The following EMILIN2 variants were observed in gnomAD, a reference collection of about 807,000 sequenced individuals.
EMILIN2 encodes the protein elastin microfibril interfacer 2, also known as EMILIN-2.
Under a neutral mutation model 87.1 loss-of-function variants are expected in EMILIN2, and 71 were observed. That is an observed-to-expected ratio of 0.82 (90% confidence interval 0.67 to 0.99). The LOEUF is 0.99. Among genes scored for constraint, EMILIN2 ranks in the 50% least tolerant of loss-of-function variants. The pLI is 0.00. For missense variants in EMILIN2, 1,407 were observed against 1,371.8 expected (o/e 1.03, Z -0.40); for synonymous variants, 581 against 563.4 (o/e 1.03, Z -0.44).
At chr18:2,874,228 G>GC (rs1555667022) in intron 2 of EMILIN2, among the ~76,000 whole-genome samples, 1 of 151,704 alleles carries the variant, frequency 6.6e-6, no homozygotes, top group East Asian at 1.9e-4. Flanking sequence ...TCTTGTTGTT[G>GC]TTTTTTTTAA....
intron 7 of EMILIN2, among the ~76,000 whole-genome samples, 162 bp from the exon 8 acceptor site, chr18:2,912,905 G>A (rs2076947949): frequency 6.6e-6 from 1 of 152,202 alleles, no homozygotes; most frequent in Admixed American, 6.5e-5. Context: ...TAGGCTGTAG[G>A]GGATGAGCAT....
chr18:2,850,405 T>G (rs1394991554), intron 2 of EMILIN2, among the ~76,000 whole-genome samples: 2 of 151,642 alleles, frequency 1.3e-5, no homozygotes, highest in African/African-American at 4.8e-5. Flanking sequence ...AGGTTCTTTT[T>G]TATTATTATT....
rs2076581128 is a variant in EMILIN2 at position 2,847,484 on chromosome 18, G to A, written c.134+162G>A. 6.6e-6 allele frequency among the ~76,000 whole-genome samples: 1 copy of A among 152,198 alleles called. No individual in the cohort carries two copies. Among genetic ancestry groups the A allele is most frequent in the African/African-American group, 2.4e-5 (1 of 41,456 alleles). Reference sequence around the variant, plus strand: ...CGGGGGACCGCGCGCTCCGCAGCCGGCGCCTCAGGCAGAGCTGACTCCGGG... The same window carrying A: ...CGGGGGACCGCGCGCTCCGCAGCCGACGCCTCAGGCAGAGCTGACTCCGGG... On this transcript the variant is annotated intron_variant, in intron 1 of 7. Coordinates refer to ENST00000254528, the MANE Select transcript of EMILIN2 (RefSeq NM_032048.3). This position sits in a 1 kb window ranked among gnomAD's most constrained non-coding sequence, Gnocchi z 4.5.
At position 2,884,984 on chromosome 18, in the gene EMILIN2, C is replaced by A. The variant is rs765448276; in HGVS notation, c.278C>A (p.Pro93His). 1 of 1,606,358 alleles carries A rather than the reference C, an allele frequency of 6.2e-7. No homozygotes were observed. The highest frequency in any genetic ancestry group is 8.5e-7 in the Non-Finnish European group (1 of 1,176,286). ...SALVYRVNFR[P>H]RYVTRYKTVT... ...CACAGGTATCGAGTGAACTTCAGAC[C>A]TAGATATGTCACTAGGTATAAGACA... Residue 93 changes from proline (P) to histidine (H), a missense_variant, in exon 3 of 8, where the codon CCT (proline) becomes CAT (histidine). By Grantham distance (77) the Pro-to-His change is moderately conservative. Coordinates refer to ENST00000254528, the MANE Select transcript of EMILIN2 (RefSeq NM_032048.3).
chr18:2,884,026 G>A (rs1016758167), intron 2 of EMILIN2, among the ~76,000 whole-genome samples: 5 of 152,206 alleles, frequency 3.3e-5, no homozygotes, highest in African/African-American at 1.2e-4. Context: ...CGCGATCTCG[G>A]CTCACTGCAA....
chr18:2,859,153 G>A (rs753466092), intron 2 of EMILIN2, among the ~76,000 whole-genome samples: 7 of 152,150 alleles, frequency 4.6e-5, no homozygotes, highest in South Asian at 4.1e-4. Context: ...GCTGTTTTCC[G>A]TAGTGGTTGG....
At position 2,848,742 on chromosome 18, in the gene EMILIN2, G is replaced by A. The variant is rs1230578468; in HGVS notation, c.257+811G>A. On this transcript the variant is annotated intron_variant, in intron 2 of 7. Transcript: ENST00000254528. This position sits in a 1 kb window ranked among gnomAD's most constrained non-coding sequence, Gnocchi z 4.1. ...GCCAGTGTGAATAAATGGCTGTTGA[G>A]GAACACATGTGATGGCTGAAATTAA... is the stretch of plus-strand genomic sequence containing the variant. 6.6e-6 allele frequency among the ~76,000 whole-genome samples: 1 copy of A among 152,198 alleles called. No individual in the cohort carries two copies. Among genetic ancestry groups the A allele is most frequent in the Admixed American group, 6.5e-5 (1 of 15,282 alleles).
intron 2 of EMILIN2, among the ~76,000 whole-genome samples, chr18:2,856,545 T>C (rs895784273): frequency 7.9e-5 from 12 of 152,226 alleles, no homozygotes; most frequent in African/African-American, 2.7e-4. Context: ...CTAATATTGT[T>C]GTTACTAACA....
intron 2 of EMILIN2, among the ~76,000 whole-genome samples, chr18:2,867,643 G>C (rs544450033): frequency 1.3e-4 from 20 of 152,354 alleles, no homozygotes; most frequent in African/African-American, 4.1e-4. Flanking sequence ...CACAGCACAT[G>C]TTTCAGAGAG....
chr18:2,866,347 A>C (rs1164991926), intron 2 of EMILIN2, among the ~76,000 whole-genome samples: 2 of 152,010 alleles, frequency 1.3e-5, no homozygotes, highest in Non-Finnish European at 2.9e-5. Context: ...CTTCCCCTCT[A>C]TGATTTCTTT....
intron 4 of EMILIN2, among the ~76,000 whole-genome samples, chr18:2,899,081 T>TAAAA (rs56048908): frequency 2.6e-5 from 4 of 151,702 alleles, no homozygotes; most frequent in African/African-American, 9.7e-5. Context: ...CTGGGATCTT[T>TAAAA]AAAAAAAACA....
chr18:2,849,040 C>T (rs1049401938), intron 2 of EMILIN2, among the ~76,000 whole-genome samples: 4 of 152,174 alleles, frequency 2.6e-5, no homozygotes, highest in Non-Finnish European at 5.9e-5. Flanking sequence ...GAAACTTAGA[C>T]GAGGTCCCCA....
In EMILIN2 at chr18:2,914,067, T is replaced by C. The variant is rs1008091982; in HGVS notation, c.*663T>C. The C allele has an allele frequency of 1.4e-5, 2 of 144,476 alleles. No individual in the cohort carries two copies. The highest frequency in any genetic ancestry group is 5.3e-5 in the African/African-American group (2 of 37,772). The allele number at this position is 144,476 out of a possible 1,614,324, so 8.9% of individuals were successfully genotyped here. A position where few individuals can be genotyped will look rare whatever the true frequency, so the allele number is the denominator to read the frequency against. ...GAGTGTCAATAAAGATGGAAAGCCA[T>C]TTCCAGTTAACTTTTGTTAATTTAA... is the stretch of plus-strand genomic sequence containing the variant. On this transcript the variant is annotated 3_prime_UTR_variant, in exon 8 of 8. Coordinates refer to ENST00000254528, the MANE Select transcript of EMILIN2 (RefSeq NM_032048.3).
chr18:2,884,107 C>T (rs554895351), intron 2 of EMILIN2, among the ~76,000 whole-genome samples: 125 of 152,234 alleles, frequency 8.2e-4, no homozygotes, highest in South Asian at 1.4e-3. Flanking sequence ...AGGCGCACGC[C>T]ATCACGCCCG....
intron 5 of EMILIN2, 54 bp downstream of exon 5, chr18:2,907,139 C>T (rs2076918400): frequency 4.1e-6 from 5 of 1,227,212 alleles, no homozygotes; most frequent in Non-Finnish European, 5.1e-6. Context: ...GAACTTCCGC[C>T]TGAGCCTCGG....
intron 5 of EMILIN2, among the ~76,000 whole-genome samples, chr18:2,907,821 A>G (rs1403108287): frequency 6.6e-6 from 1 of 152,198 alleles, no homozygotes; most frequent in African/African-American, 2.4e-5. Context: ...TATAACAGAT[A>G]AACAGATGAC....
chr18:2,855,616 A>G (rs2076623106), intron 2 of EMILIN2, among the ~76,000 whole-genome samples: 1 of 152,214 alleles, frequency 6.6e-6, no homozygotes, highest in African/African-American at 2.4e-5. Flanking sequence ...CAGGCTGCAG[A>G]GAACGGCAAG....
chr18:2,908,865 AG>A, intron 5 of EMILIN2, 77 bp from the exon 6 acceptor site: 2 of 1,553,042 alleles, frequency 1.3e-6, no homozygotes, highest in South Asian at 2.2e-5. Flanking sequence ...TGTGAGGAGC[AG>A]AGGAAAAAGG....
chr18:2,885,800 G>A (rs1276110546), intron 3 of EMILIN2, among the ~76,000 whole-genome samples: 1 of 152,198 alleles, frequency 6.6e-6, no homozygotes, highest in Admixed American at 6.5e-5. Context: ...TTACAGGCGT[G>A]AGCCACTGTG....
Sources: gnomAD v4.1 joint callset for allele counts (sites outside exome capture counted in the v4.1 genomes callset) on GRCh38, gnomAD v4.1.1 for gene constraint, Gnocchi (gnomAD v3.1) non-coding constraint, MANE v1.5 for transcripts, NCBI Gene and HGNC (gene_info 2026-07-23, HGNC 2026-07-21) for gene names.